Variants in PRDM5 observed in about 807,000 individuals in gnomAD.
The protein encoded by PRDM5 is PR domain zinc finger protein 5.
PRDM5 carries 56 observed loss-of-function variants against 81.2 expected under a neutral mutation model. The ratio of observed to expected loss-of-function variants is 0.69; its 90% CI spans 0.56 to 0.86. PRDM5 has a LOEUF of 0.86. PRDM5 is among the 40% of genes least tolerant of loss of function. PRDM5 has a pLI of 0.00. For synonymous variants in PRDM5, 267 were observed against 256.4 expected, an observed-to-expected ratio of 1.04 and a Z score of -0.39; for missense variants, 697 against 770.1, an observed-to-expected ratio of 0.91 and a Z score of 1.12.
intron 2 of PRDM5, among the ~76,000 whole-genome samples, chr4:120,879,373 G>A (rs1244991197): frequency 6.6e-6 from 1 of 152,022 alleles, no homozygotes; most frequent in Non-Finnish European, 1.5e-5. Context: ...ACTTATAGGT[G>A]GATTTTTTCA....
intron 15 of PRDM5, among the ~76,000 whole-genome samples, chr4:120,703,769 G>T (rs957373146): frequency 2.0e-5 from 3 of 152,140 alleles, no homozygotes; most frequent in Admixed American, 6.6e-5. Flanking sequence ...CAGGTTCAAA[G>T]AACTAGGTGG....
At chr4:120,698,046 T>C (rs975878650) in intron 15 of PRDM5, among the ~76,000 whole-genome samples, 3 of 152,164 alleles carry the variant, frequency 2.0e-5, no homozygotes, top group African/African-American at 4.8e-5. Context: ...ATTTGTCTTC[T>C]TTTGTCTCCA....
chr4:120,843,442 C>T lies in PRDM5; in HGVS notation c.300+9976G>A, dbSNP rs557836061. ...TATAGGCCAGGCATGGTGGCTAATG[C>T]CTGTAATCCCAGCACTTTGTGAGGC... On this transcript the variant is annotated intron_variant, in intron 3 of 15. Transcript: ENST00000264808. Among the ~76,000 whole-genome samples the T allele has an allele frequency of 2.0e-5, 3 of 149,632 alleles. No individual in the cohort carries two copies. In the East Asian group the frequency reaches 5.8e-4, roughly 29 times the overall value.
intron 2 of PRDM5, among the ~76,000 whole-genome samples, chr4:120,887,557 T>G (rs1388796209): frequency 6.6e-6 from 1 of 152,186 alleles, no homozygotes; most frequent in Non-Finnish European, 1.5e-5. Context: ...TTATCTAATC[T>G]AGAATTGCCT....
intron 12 of PRDM5, among the ~76,000 whole-genome samples, chr4:120,779,934 A>AATAT (rs142001312): frequency 6.6e-5 from 10 of 151,146 alleles, no homozygotes; most frequent in Admixed American, 1.3e-4. Flanking sequence ...ACAAACAAAC[A>AATAT]ATATATATAT....
intron 12 of PRDM5, among the ~76,000 whole-genome samples, chr4:120,779,887 G>A (rs1178269215): frequency 6.6e-6 from 1 of 151,972 alleles, no homozygotes; most frequent in Admixed American, 6.6e-5. Context: ...TCCAGCCTGG[G>A]TGACAGAGTG....
chr4:120,805,550 C>A (rs536549289), intron 8 of PRDM5, among the ~76,000 whole-genome samples: 2 of 152,194 alleles, frequency 1.3e-5, no homozygotes, highest in South Asian at 4.1e-4. Flanking sequence ...GTTCAACATA[C>A]ACAAATCAAA....
At chr4:120,902,929 G>A (rs1293408554) in intron 2 of PRDM5, among the ~76,000 whole-genome samples, 1 of 150,222 alleles carries the variant, frequency 6.7e-6, no homozygotes, top group Non-Finnish European at 1.5e-5. Context: ...GCTCACAAAG[G>A]CTCACACCTA....
intron 14 of PRDM5, among the ~76,000 whole-genome samples, chr4:120,742,854 T>C (rs1245994412): frequency 2.0e-5 from 3 of 152,114 alleles, no homozygotes; most frequent in Non-Finnish European, 4.4e-5. Context: ...GAAAACACTC[T>C]GCAGGATATT....
chr4:120,798,655 T>C (rs1468242591), intron 9 of PRDM5, among the ~76,000 whole-genome samples: 2 of 152,200 alleles, frequency 1.3e-5, no homozygotes, highest in African/African-American at 4.8e-5. Flanking sequence ...AGCTTAGATA[T>C]AAAGAAAAGG....
chr4:120,862,639 G>A (rs758707654), intron 2 of PRDM5, among the ~76,000 whole-genome samples: 4 of 152,310 alleles, frequency 2.6e-5, no homozygotes, highest in Non-Finnish European at 5.9e-5. Context: ...AGTGTTCCCT[G>A]TCAATAGTTA....
chr4:120,805,391 A>G (rs531208493), intron 8 of PRDM5, among the ~76,000 whole-genome samples: 35 of 152,328 alleles, frequency 2.3e-4, no homozygotes, highest in African/African-American at 8.2e-4. Context: ...TGGCAGAGAC[A>G]GAATAAAAAA....
At chr4:120,722,335 G>T (rs1578475973) in intron 14 of PRDM5, among the ~76,000 whole-genome samples, 1 of 152,032 alleles carries the variant, frequency 6.6e-6, no homozygotes, top group African/African-American at 2.4e-5. Context: ...TAAGGCACTT[G>T]TAATCCCAGG....
intron 14 of PRDM5, among the ~76,000 whole-genome samples, chr4:120,747,140 T>C (rs1037824392): frequency 1.3e-5 from 2 of 150,428 alleles, no homozygotes; most frequent in Admixed American, 1.3e-4. Flanking sequence ...TGTAGGGACA[T>C]GGATGAAATT....
chr4:120,759,843 T>C (rs1354210315), intron 13 of PRDM5, among the ~76,000 whole-genome samples: 1 of 152,136 alleles, frequency 6.6e-6, no homozygotes, highest in Non-Finnish European at 1.5e-5. Context: ...TTAATTAATC[T>C]GAAAATTAGC....
chr4:120,860,857 T>C (rs1338842480), intron 2 of PRDM5, among the ~76,000 whole-genome samples: 1 of 152,210 alleles, frequency 6.6e-6, no homozygotes, highest in Non-Finnish European at 1.5e-5. Context: ...CCAGCATGTC[T>C]TCTGACAGTT....
intron 1 of PRDM5, among the ~76,000 whole-genome samples, chr4:120,919,589 A>G (rs962572043): frequency 1.3e-5 from 2 of 152,226 alleles, no homozygotes; most frequent in Non-Finnish European, 2.9e-5. Flanking sequence ...AAAAATGGTC[A>G]TGAAACAAAA....
chr4:120,770,923 A>G (rs933248051), intron 13 of PRDM5, among the ~76,000 whole-genome samples: 2 of 128,406 alleles, frequency 1.6e-5, no homozygotes, highest in African/African-American at 5.5e-5. Context: ...TAACATATAG[A>G]AATAAAAGCA....
intron 8 of PRDM5, among the ~76,000 whole-genome samples, chr4:120,809,381 T>G (rs1200804505): frequency 6.6e-6 from 1 of 151,722 alleles, no homozygotes; most frequent in Non-Finnish European, 1.5e-5. Flanking sequence ...TCCCTAGAAC[T>G]TAAAGTATAA....
Sources: gnomAD v4.1 joint callset for allele counts (sites outside exome capture counted in the v4.1 genomes callset) on GRCh38, gnomAD v4.1.1 for gene constraint, MANE v1.5 for transcripts, NCBI Gene and HGNC (gene_info 2026-07-23, HGNC 2026-07-21) for gene names.